OSBPL11: variants seen among roughly 807,000 people sequenced by gnomAD.
OSBPL11 encodes oxysterol-binding protein-related protein 11.
In OSBPL11, 33 loss-of-function variants were observed where a neutral mutation model predicts 84.4. The ratio of observed to expected loss-of-function variants is 0.39; its 90% confidence interval spans 0.30 to 0.52. OSBPL11 has a LOEUF of 0.52. OSBPL11 is among the 20% of genes least tolerant of loss of function. The pLI is 0.72. For synonymous variants in OSBPL11, 276 were observed against 310.2 expected (o/e 0.89, Z 1.16); for missense variants, 736 against 901.1 (o/e 0.82, Z 2.35).
Position 125,583,441 on chromosome 3 carries a change from C to T in OSBPL11, c.165-463G>A, listed in dbSNP as rs371803562. Reference sequence around the variant, plus strand: ...ACTAAAAATACAAAAATTCATCGGGCGTGGTGGTGTGTGCCTGTAGTCCCA... The same window carrying T: ...ACTAAAAATACAAAAATTCATCGGGTGTGGTGGTGTGTGCCTGTAGTCCCA... On this transcript the variant is annotated intron_variant, in intron 1 of 12. Coordinates refer to ENST00000296220, the MANE Select transcript of OSBPL11 (RefSeq NM_022776.5). 1.7e-3 allele frequency among the ~76,000 whole-genome samples: 254 copies of T among 151,390 alleles called. 1 individual carries two copies. Among genetic ancestry groups the T allele is most frequent in the South Asian group, 0.01 (49 of 4,794 alleles).
chr3:125,583,882 T>G (rs1464992059), intron 1 of OSBPL11, among the ~76,000 whole-genome samples: 3 of 152,180 alleles, frequency 2.0e-5, no homozygotes, highest in East Asian at 3.8e-4. Flanking sequence ...TCAGTTATTT[T>G]GAGATACATT....
At chr3:125,575,418 G>T (rs1936307696) in intron 5 of OSBPL11, among the ~76,000 whole-genome samples, 1 of 152,066 alleles carries the variant, frequency 6.6e-6, no homozygotes, top group East Asian at 1.9e-4. Context: ...TTAGAGACAG[G>T]TCTTACTATG....
intron 6 of OSBPL11, among the ~76,000 whole-genome samples, chr3:125,566,226 A>G (rs13074510): frequency 0.068 from 10,324 of 152,134 alleles, 471 homozygotes; most frequent in Non-Finnish European, 0.098. Flanking sequence ...GGCTGGTCTC[A>G]AACTCCTGAC....
Position 125,579,260 on chromosome 3 carries a change from T to C in OSBPL11, c.410-221A>G, listed in dbSNP as rs373055848. ...TACTTCATTAAAAGGAGAAATTACA[T>C]GCAGTGAGGTGAGGATGAGAGACTG... On this transcript the variant is annotated intron_variant, in intron 3 of 12. Transcript: ENST00000296220. Among the ~76,000 whole-genome samples, 25 of 152,258 alleles carry C rather than the reference T, an allele frequency of 1.6e-4. No homozygotes were observed. The East Asian group carries it at 4.2e-3, about 26-fold the overall frequency.
intron 11 of OSBPL11, 45 bp downstream of exon 11, chr3:125,538,406 G>A (rs1303423170): frequency 7.0e-6 from 11 of 1,565,350 alleles, no homozygotes; most frequent in African/African-American, 5.4e-5. Flanking sequence ...AGATTAAGAT[G>A]CAGAGCATCT....
chr3:125,553,677 T>C (rs1217241817), intron 8 of OSBPL11, among the ~76,000 whole-genome samples: 2 of 152,162 alleles, frequency 1.3e-5, no homozygotes, highest in Non-Finnish European at 2.9e-5. Context: ...AAAAAATAAT[T>C]AGAACAACCT....
chr3:125,544,960 G>A (rs1481712055), intron 10 of OSBPL11, among the ~76,000 whole-genome samples: 1 of 152,006 alleles, frequency 6.6e-6, no homozygotes, highest in Non-Finnish European at 1.5e-5. Flanking sequence ...TAAAACATAT[G>A]CTTTCTTGCT....
At chr3:125,585,105 C>A (rs1218689461) in intron 1 of OSBPL11, among the ~76,000 whole-genome samples, 2 of 152,034 alleles carry the variant, frequency 1.3e-5, no homozygotes, top group Admixed American at 6.6e-5. Flanking sequence ...TAACATCAAT[C>A]GCTAAAAAGA....
Position 125,578,967 on chromosome 3 carries a change from A to G in OSBPL11, c.482T>C (p.Ile161Thr), listed in dbSNP as rs760224906. 1 of 1,559,870 alleles carries G rather than the reference A, an allele frequency of 6.4e-7. No homozygotes were observed. The highest frequency in any genetic ancestry group is 8.7e-7 in the Non-Finnish European group (1 of 1,151,506). Residue 161 changes from isoleucine (I) to threonine (T), a missense_variant, in exon 4 of 13, where the codon ATT becomes ACT. Physicochemically the swap from Ile to Thr is moderately conservative, Grantham distance 89. Coordinates refer to ENST00000296220, the MANE Select transcript of OSBPL11 (RefSeq NM_022776.5). Reference protein sequence around the residue: ...QICTQHHTEAIGKNNPPLKSR... With the variant: ...QICTQHHTEATGKNNPPLKSR... ...GTATATAAATCTACATACCTTTCCA[A>G]TAGCTTCAGTATGATGCTGTGTACA...
Position 125,560,607 on chromosome 3 carries a change from C to T in OSBPL11, c.1015-88G>A, listed in dbSNP as rs544988739. ...AAACAATAAATATCAGACTTGAAGA[C>T]ATTTGTATTTGACCTAAGTGAATCT... On this transcript the variant is annotated intron_variant, in intron 7 of 12. Coordinates refer to ENST00000296220, the MANE Select transcript of OSBPL11 (RefSeq NM_022776.5). The T allele has an allele frequency of 4.9e-5, 60 of 1,213,700 alleles. No homozygotes were observed. In the Middle Eastern group the frequency reaches 7.2e-4, roughly 15 times the overall value. 75.2% of individuals were successfully genotyped at this position (1,213,700 alleles called of 1,614,324 possible). A position where few individuals can be genotyped will look rare whatever the true frequency, so the allele number is the denominator to read the frequency against.
At chr3:125,571,001 T>C (rs1936235069) in intron 5 of OSBPL11, among the ~76,000 whole-genome samples, 1 of 151,978 alleles carries the variant, frequency 6.6e-6, no homozygotes, top group Non-Finnish European at 1.5e-5. Context: ...GACAGGAAAA[T>C]GTGGGAAAGT....
intron 5 of OSBPL11, among the ~76,000 whole-genome samples, chr3:125,568,779 T>C (rs946616506): frequency 1.3e-5 from 2 of 152,234 alleles, no homozygotes; most frequent in African/African-American, 2.4e-5. Context: ...CAATGATTGA[T>C]GAGCAAGCCA....
intron 12 of OSBPL11, among the ~76,000 whole-genome samples, chr3:125,531,470 T>C (rs977162759): frequency 1.3e-5 from 2 of 151,676 alleles, no homozygotes; most frequent in Admixed American, 1.3e-4. Context: ...GTTGTATTTT[T>C]AGTAGAGACT....
chr3:125,538,437 C>A lies in OSBPL11; in HGVS notation c.2024+14G>T, dbSNP rs761333529. ...CATCTGACTCTTTCCTGGATAGATG[C>A]AAGGATGACATACCTGGATTCAAAT... On this transcript the variant is annotated intron_variant, in intron 11 of 12. Coordinates refer to ENST00000296220, the MANE Select transcript of OSBPL11 (RefSeq NM_022776.5). 1.6e-5 allele frequency: 25 copies of A among 1,609,316 alleles called. No homozygotes were observed. The highest frequency in any genetic ancestry group is 2.7e-5 in the African/African-American group (2 of 74,894).
intron 1 of OSBPL11, among the ~76,000 whole-genome samples, chr3:125,591,728 T>C (rs1247463666): frequency 6.6e-6 from 1 of 152,206 alleles, no homozygotes; most frequent in African/African-American, 2.4e-5. Flanking sequence ...TTGGGGGTAA[T>C]TTGTAATGCA....
chr3:125,558,798 G>T (rs1229516033), intron 8 of OSBPL11, among the ~76,000 whole-genome samples: 1 of 152,178 alleles, frequency 6.6e-6, no homozygotes, highest in Non-Finnish European at 1.5e-5. Context: ...AAAAACTACA[G>T]ATTAGTGCTT....
In OSBPL11 at chr3:125,579,992, A is replaced by T; in HGVS notation, c.282T>A (p.Asn94Lys). 1 of 1,614,168 alleles carries T rather than the reference A, an allele frequency of 6.2e-7. No individual in the cohort carries two copies. Among genetic ancestry groups the T allele is most frequent in the South Asian group, 1.1e-5 (1 of 91,082 alleles). The change falls in exon 3 of 13, where the codon AAT (asparagine) becomes AAA (lysine). Residue 94 changes from asparagine (N) to lysine (K), a missense_variant. By Grantham distance (94) the Asn-to-Lys change is moderately conservative. Around this residue, in one of 3 missense-constraint regions of OSBPL11, gnomAD observed 43 missense variants for 78.7 expected, o/e 0.55. Coordinates refer to ENST00000296220, the MANE Select transcript of OSBPL11 (RefSeq NM_022776.5). ...NEAGLLEYFV[N>K]EQSRNQKPRG... Reference sequence around the variant, plus strand: ...TAGGTTTCTGATTTCTAGACTGTTCATTCACAAAGTACTCCAACAGCCCAG... The same window carrying T: ...TAGGTTTCTGATTTCTAGACTGTTCTTTCACAAAGTACTCCAACAGCCCAG...
At position 125,538,583 on chromosome 3, in the gene OSBPL11, A is replaced by G. The variant is rs772912288; in HGVS notation, c.1892T>C (p.Val631Ala). 6 of 1,613,962 alleles carry G rather than the reference A, an allele frequency of 3.7e-6. No homozygotes were observed. The highest frequency in any genetic ancestry group is 1.7e-4 in the Middle Eastern group (1 of 6,060). The change falls in exon 11 of 13, where the codon GTG (valine) becomes GCG (alanine). Residue 631 changes from valine to alanine, a missense_variant. Coordinates refer to ENST00000296220, the MANE Select transcript of OSBPL11 (RefSeq NM_022776.5). ...HNITNTVVCRVQGEWNSVLEF... is the reference protein window; with the variant it reads ...HNITNTVVCRAQGEWNSVLEF... ...AAGAACACTATTCCATTCCCCTTGC[A>G]CTCTGCATACCACAGTGTTGGTGAT...
rs141410485 is a variant in OSBPL11, at chr3:125,541,985, A to G, written c.1842-3352T>C. On this transcript the variant is annotated intron_variant, in intron 10 of 12. Transcript: ENST00000296220. ...AATACTTCTAGGTACAAATTTCCTT[A>G]AAACAACTTGACCTGAGGTCTGACA... is the stretch of plus-strand genomic sequence containing the variant. 2.1e-3 allele frequency among the ~76,000 whole-genome samples: 316 copies of G among 152,362 alleles called. 2 individuals are homozygous for G. Among genetic ancestry groups the G allele is most frequent in the African/African-American group, 7.2e-3 (300 of 41,582 alleles).
Sources: allele counts gnomAD v4.1 joint callset (sites outside exome capture counted in the v4.1 genomes callset), GRCh38; gene constraint gnomAD v4.1.1; regional missense constraint gnomAD v4.1.1; transcripts MANE v1.5; gene names NCBI Gene and HGNC (gene_info 2026-07-23, HGNC 2026-07-21).